Variants in DACH2 observed in about 807,000 individuals in gnomAD.
DACH2 encodes the protein dachshund family transcription factor 2, also known as dachshund homolog 2.
A neutral mutation model predicts 35.8 loss-of-function variants in DACH2; 17 were observed. The ratio of observed to expected loss-of-function variants is 0.48; its 90% CI spans 0.33 to 0.71. DACH2 has a LOEUF of 0.71. Among genes scored for constraint, DACH2 ranks in the 30% least tolerant of loss-of-function variants. The probability of loss-of-function intolerance (pLI) is 0.02; values close to 1 mark genes in which losing one functional copy is unlikely to be tolerated. For synonymous variants in DACH2, 195 were observed against 177.3 expected (o/e 1.10, Z -0.79); for missense variants, 469 against 472.7 (o/e 0.99, Z 0.07).
chrX:86,714,106 T>C (rs1039938322), intron 5 of DACH2, among the ~76,000 whole-genome samples: 2 of 111,918 alleles, frequency 1.8e-5, no homozygotes, highest in East Asian at 5.6e-4. Context: ...TTAGAGAATC[T>C]ACATCCTGCC....
At chrX:86,400,098 C>G (rs1400920280) in intron 2 of DACH2, among the ~76,000 whole-genome samples, 2 of 111,414 alleles carry the variant, frequency 1.8e-5, no homozygotes, top group Non-Finnish European at 3.8e-5. Context: ...TCTTTTTTCT[C>G]TAAACTTCCC....
At chrX:86,433,438 G>A (rs2037016703) in intron 2 of DACH2, among the ~76,000 whole-genome samples, 1 of 111,522 alleles carries the variant, frequency 9.0e-6, no homozygotes, top group Non-Finnish European at 1.9e-5. Context: ...ACAAAATAAT[G>A]TCCAGTTGTA....
At chrX:86,291,265 C>A (rs1198887365) in intron 1 of DACH2, among the ~76,000 whole-genome samples, 1 of 104,912 alleles carries the variant, frequency 9.5e-6, no homozygotes, top group Non-Finnish European at 1.9e-5. Flanking sequence ...GATTTTTGTA[C>A]ATTGATTTTG....
At chrX:86,152,430 G>A (rs746711352) in intron 1 of DACH2, among the ~76,000 whole-genome samples, 6 of 111,567 alleles carry the variant, frequency 5.4e-5, no homozygotes, top group African/African-American at 1.9e-4. Flanking sequence ...AAATGAATGA[G>A]TAAAATATAT....
chrX:86,435,684 C>G (rs1240698243), intron 2 of DACH2, among the ~76,000 whole-genome samples: 1 of 111,595 alleles, frequency 9.0e-6, no homozygotes, highest in Non-Finnish European at 1.9e-5. Context: ...TCTATTCTTT[C>G]CAAAGCCTAC....
chrX:86,582,304 A>G (rs1033580723), intron 3 of DACH2, among the ~76,000 whole-genome samples: 4 of 111,495 alleles, frequency 3.6e-5, no homozygotes, highest in African/African-American at 1.3e-4. Flanking sequence ...GGGACTAGAG[A>G]AACACAAGCA....
chrX:86,581,640 T>A (rs747688799), intron 3 of DACH2, among the ~76,000 whole-genome samples: 3 of 111,355 alleles, frequency 2.7e-5, no homozygotes, highest in Non-Finnish European at 5.7e-5. Flanking sequence ...AAATAAAAAA[T>A]TGGCATTACA....
At chrX:86,281,645 G>A (rs1002963701) in intron 1 of DACH2, among the ~76,000 whole-genome samples, 1 of 111,334 alleles carries the variant, frequency 9.0e-6, no homozygotes, top group East Asian at 2.8e-4. Context: ...TGGAAGATCC[G>A]GCCAGGGCAA....
At chrX:86,740,503 C>G (rs1415394522) in intron 7 of DACH2, among the ~76,000 whole-genome samples, 1 of 70,205 alleles carries the variant, frequency 1.4e-5, no homozygotes, top group African/African-American at 5.3e-5. Context: ...TCCCTCCCCC[C>G]TCCCCCCACC....
intron 3 of DACH2, among the ~76,000 whole-genome samples, chrX:86,556,777 TATATATATATATATATATAG>T (rs1461788140): frequency 7.8e-5 from 5 of 63,772 alleles, no homozygotes; most frequent in African/African-American, 3.1e-4. Flanking sequence ...TATATATATA[TATATATATATATATATATAG>T]AGAGAGAGAG....
At chrX:86,336,612 T>C (rs934909940) in intron 1 of DACH2, among the ~76,000 whole-genome samples, 1 of 111,593 alleles carries the variant, frequency 9.0e-6, no homozygotes, top group African/African-American at 3.3e-5. Flanking sequence ...TCCATGAAGA[T>C]GGGGAGAAAC....
intron 2 of DACH2, among the ~76,000 whole-genome samples, chrX:86,503,854 T>C (rs969182292): frequency 9.0e-6 from 1 of 111,506 alleles, no homozygotes; most frequent in Non-Finnish European, 1.9e-5. Context: ...TTGTCAGCTA[T>C]TGGATCTTGG....
chrX:86,797,336 C>T (rs1204031751), intron 7 of DACH2, among the ~76,000 whole-genome samples: 1 of 109,988 alleles, frequency 9.1e-6, no homozygotes, highest in Non-Finnish European at 1.9e-5. Context: ...TTTATATTTG[C>T]AGGTTACTAA....
chrX:86,457,742 G>A (rs1332281469), intron 2 of DACH2, among the ~76,000 whole-genome samples: 1 of 112,154 alleles, frequency 8.9e-6, no homozygotes, highest in Non-Finnish European at 1.9e-5. Context: ...TTTCAATTTT[G>A]TTGGTCAGTC....
intron 3 of DACH2, among the ~76,000 whole-genome samples, chrX:86,599,937 G>T (rs1233184715): frequency 9.0e-6 from 1 of 111,726 alleles, no homozygotes; most frequent in African/African-American, 3.3e-5. Flanking sequence ...ATGACATGTG[G>T]TTTGGTGGAG....
chrX:86,783,875 T>C (rs1175881191), intron 7 of DACH2, among the ~76,000 whole-genome samples: 2 of 111,060 alleles, frequency 1.8e-5, no homozygotes, highest in Non-Finnish European at 1.9e-5. Flanking sequence ...GAGTTGGTGA[T>C]GGTTAGTGGG....
intron 1 of DACH2, among the ~76,000 whole-genome samples, chrX:86,171,847 T>G (rs1338238171): frequency 9.0e-6 from 1 of 111,621 alleles, no homozygotes; most frequent in Non-Finnish European, 1.9e-5. Context: ...CTTATGAAGG[T>G]TTTTTTTCTG....
intron 6 of DACH2, among the ~76,000 whole-genome samples, 162 bp from the exon 7 acceptor site, chrX:86,739,585 A>G (rs2041631920): frequency 8.9e-6 from 1 of 112,452 alleles, no homozygotes; most frequent in South Asian, 3.6e-4. Context: ...CACAAGAATC[A>G]AAAATATATT....
At chrX:86,612,316 G>T (rs780207277) in intron 3 of DACH2, among the ~76,000 whole-genome samples, 11 of 108,118 alleles carry the variant, frequency 1.0e-4, no homozygotes, top group Non-Finnish European at 7.6e-5. Context: ...CCACCACCTG[G>T]TATTGGGGAA....
Sources: allele counts gnomAD v4.1 joint callset (sites outside exome capture counted in the v4.1 genomes callset), GRCh38; gene constraint gnomAD v4.1.1; transcripts MANE v1.5; gene names NCBI Gene and HGNC (gene_info 2026-07-23, HGNC 2026-07-21).